The following PCDHGB5 variants were observed in gnomAD, a reference collection of about 807,000 sequenced individuals.
PCDHGB5 encodes protocadherin gamma-B5.
In PCDHGB5, 48 loss-of-function variants were observed where a neutral mutation model predicts 62.9. The observed-to-expected ratio is 0.76, with a 90% CI of 0.61 to 0.97. PCDHGB5 has a LOEUF of 0.97. Ranked by LOEUF, PCDHGB5 falls within the 50% of genes least tolerant of loss-of-function variation. The probability of loss-of-function intolerance (pLI) is 0.00; values close to 1 mark genes in which losing one functional copy is unlikely to be tolerated. For missense variants in PCDHGB5, 1,118 were observed against 1,198.6 expected, an observed-to-expected ratio of 0.93 and a Z score of 0.99; for synonymous variants, 474 against 511.2, an observed-to-expected ratio of 0.93 and a Z score of 0.98.
At chr5:141,405,114 C>T in intron 1 of PCDHGB5, 1 of 1,613,970 alleles carries the variant, frequency 6.2e-7, no homozygotes, top group Non-Finnish European at 8.5e-7. Flanking sequence ...CACTGGCACT[C>T]CTCGCATCTG....
chr5:141,438,658 G>GTA (rs2098048375), intron 1 of PCDHGB5, among the ~76,000 whole-genome samples: 7 of 77,996 alleles, frequency 9.0e-5, no homozygotes, highest in African/African-American at 1.9e-4. Flanking sequence ...ACACATATAT[G>GTA]TATATATATA....
intron 1 of PCDHGB5, among the ~76,000 whole-genome samples, chr5:141,455,204 T>G (rs1173402170): frequency 6.6e-6 from 1 of 152,052 alleles, no homozygotes; most frequent in Admixed American, 6.6e-5. Context: ...TTACAACCAA[T>G]AAGAGTTTTT....
chr5:141,507,263 T>C (rs755395344), intron 3 of PCDHGB5: 1 of 152,038 alleles, frequency 6.6e-6, no homozygotes, highest in Non-Finnish European at 1.5e-5. Flanking sequence ...AAACAGCAAG[T>C]ACTATTTCAG....
chr5:141,500,084 C>T (rs1354544132), intron 2 of PCDHGB5, among the ~76,000 whole-genome samples: 1 of 152,030 alleles, frequency 6.6e-6, no homozygotes, highest in Non-Finnish European at 1.5e-5. Flanking sequence ...CCTCCATCTT[C>T]CATTTTTGCA....
At chr5:141,409,972 G>A in intron 1 of PCDHGB5, 1 of 1,613,374 alleles carries the variant, frequency 6.2e-7, no homozygotes, top group South Asian at 1.1e-5. Context: ...TAGTGACTAA[G>A]GTGGTAGCGG....
chr5:141,417,975 A>C, intron 1 of PCDHGB5: 3 of 1,613,724 alleles, frequency 1.9e-6, no homozygotes, highest in Non-Finnish European at 2.5e-6. Context: ...TCGATTCCGG[A>C]GGAGCTGGCC....
At chr5:141,426,029 A>G (rs576464127) in intron 1 of PCDHGB5, among the ~76,000 whole-genome samples, 13 of 152,216 alleles carry the variant, frequency 8.5e-5, no homozygotes, top group Non-Finnish European at 1.9e-4. Flanking sequence ...AAATAGACTC[A>G]GAGCCCTGCT....
In PCDHGB5 at chr5:141,432,460, C is replaced by T; in HGVS notation, c.2397+31936C>T. The T allele has an allele frequency of 6.2e-7, 1 of 1,614,208 alleles. No homozygotes were observed. The highest frequency in any genetic ancestry group is 8.5e-7 in the Non-Finnish European group (1 of 1,180,044). On this transcript the variant is annotated intron_variant, in intron 1 of 3. Transcript: ENST00000617380. This position sits in a 1 kb window ranked among gnomAD's most constrained non-coding sequence, Gnocchi z 6.0. ...CGCCCGAGATCCTGTACCCCGCCCTCCCCACGGACGGTTCCACTGGCGTGG... is the reference window on the plus strand; with the variant it reads ...CGCCCGAGATCCTGTACCCCGCCCTTCCCACGGACGGTTCCACTGGCGTGG...
At chr5:141,404,524 G>GTTT in intron 1 of PCDHGB5, 7 of 1,613,938 alleles carry the variant, frequency 4.3e-6, no homozygotes, top group Non-Finnish European at 5.9e-6. Context: ...ACTATGAGCA[G>GTTT]TTTAGAGATT....
Position 141,486,989 on chromosome 5 carries a change from G to A in PCDHGB5, c.2398-7818G>A. 1.9e-6 allele frequency: 3 copies of A among 1,614,168 alleles called. No individual in the cohort carries two copies. Among genetic ancestry groups the A allele is most frequent in the Non-Finnish European group, 2.5e-6 (3 of 1,180,034 alleles). On this transcript the variant is annotated intron_variant, in intron 1 of 3. Transcript: ENST00000617380. This position sits in a 1 kb window ranked among gnomAD's most constrained non-coding sequence, Gnocchi z 5.0. ...CTTGGATTCAGGTTACAATGCTTGG[G>A]TTTCCTATCAGCTCCTGGAGGCCCC...
chr5:141,486,644 T>G lies in PCDHGB5; in HGVS notation c.2398-8163T>G, dbSNP rs765487821. ...AGACTCTGGCTTGAATGCGCTTATC[T>G]CCTACTCACTCCTGGAGCCCAGGAA... On this transcript the variant is annotated intron_variant, in intron 1 of 3. Transcript: ENST00000617380. This position sits in a 1 kb window ranked among gnomAD's most constrained non-coding sequence, Gnocchi z 5.0. 9.3e-6 allele frequency: 15 copies of G among 1,613,722 alleles called. 2 individuals carry two copies. The Middle Eastern group carries it at 6.6e-4, about 71-fold the overall frequency.
intron 1 of PCDHGB5, chr5:141,441,746 C>T: frequency 2.7e-6 from 1 of 371,314 alleles, no homozygotes; most frequent in East Asian, 9.8e-5. Flanking sequence ...TCGCGCTCGG[C>T]GTCAACGTGA....
intron 1 of PCDHGB5, chr5:141,478,312 C>T (rs768312280): frequency 8.1e-6 from 13 of 1,614,002 alleles, no homozygotes; most frequent in East Asian, 2.2e-5. Flanking sequence ...CCCCGGTGAG[C>T]TCACTGTACC....
Position 141,487,650 on chromosome 5 carries a change from G to T in PCDHGB5, c.2398-7157G>T, listed in dbSNP as rs772715932. The T allele has an allele frequency of 6.8e-6, 11 of 1,613,876 alleles. No individual in the cohort carries two copies. Among genetic ancestry groups the T allele is most frequent in the Admixed American group, 1.7e-5 (1 of 59,978 alleles). On this transcript the variant is annotated intron_variant, in intron 1 of 3. Coordinates refer to ENST00000617380, the MANE Select transcript of PCDHGB5 (RefSeq NM_018925.3). This position sits in a 1 kb window ranked among gnomAD's most constrained non-coding sequence, Gnocchi z 5.0. ...TTGCAGGCTCAACAAATGCTTGAGG[G>T]TTATTCTGATCCAGGCATATGGCTA...
At chr5:141,415,895 G>A in intron 1 of PCDHGB5, 1 of 898,210 alleles carries the variant, frequency 1.1e-6, no homozygotes, top group Non-Finnish European at 1.5e-6. Flanking sequence ...CAATTCCTAA[G>A]ACAGACTTCC....
At chr5:141,510,028 C>A (rs962629835) in intron 3 of PCDHGB5, among the ~76,000 whole-genome samples, 1 of 152,164 alleles carries the variant, frequency 6.6e-6, no homozygotes, top group Non-Finnish European at 1.5e-5. Context: ...GCTGGCTGGG[C>A]TGTTATGTAG....
chr5:141,460,936 A>G (rs189741735), intron 1 of PCDHGB5, among the ~76,000 whole-genome samples: 31 of 149,318 alleles, frequency 2.1e-4, no homozygotes, highest in Non-Finnish European at 3.8e-4. Flanking sequence ...GTGTGTGTGT[A>G]TATATATGTA....
chr5:141,464,208 T>G (rs915798868), intron 1 of PCDHGB5, among the ~76,000 whole-genome samples: 1 of 148,120 alleles, frequency 6.8e-6, no homozygotes, highest in Admixed American at 6.9e-5. Context: ...GAGATTGCAG[T>G]GAGCTGAGAT....
intron 2 of PCDHGB5, among the ~76,000 whole-genome samples, chr5:141,500,942 C>T (rs937418207): frequency 2.0e-5 from 3 of 151,926 alleles, no homozygotes; most frequent in Non-Finnish European, 4.4e-5. Context: ...CATCTCGGCT[C>T]ACTGCAAGCT....
Sources: allele counts gnomAD v4.1 joint callset (sites outside exome capture counted in the v4.1 genomes callset), GRCh38; gene constraint gnomAD v4.1.1; non-coding constraint Gnocchi (gnomAD v3.1); transcripts MANE v1.5; gene names NCBI Gene and HGNC (gene_info 2026-07-23, HGNC 2026-07-21).